FBXL13: variants seen among roughly 807,000 people sequenced by gnomAD.
The protein encoded by FBXL13 is F-box and leucine-rich repeat protein 13.
Under a neutral mutation model 83.6 loss-of-function variants are expected in FBXL13, and 67 were observed. The ratio of observed to expected loss-of-function variants is 0.80; its 90% CI spans 0.66 to 0.98. The LOEUF is 0.98. FBXL13 is among the 50% of genes least tolerant of loss of function. The probability of loss-of-function intolerance (pLI) is 0.00; values close to 1 mark genes in which losing one functional copy is unlikely to be tolerated. For missense variants in FBXL13, 822 were observed against 866.5 expected (o/e 0.95, Z 0.64); for synonymous variants, 272 against 299.5 (o/e 0.91, Z 0.95).
intron 6 of FBXL13, among the ~76,000 whole-genome samples, chr7:103,017,954 A>C (rs1792584382): frequency 6.6e-6 from 1 of 152,182 alleles, no homozygotes; most frequent in Non-Finnish European, 1.5e-5. Context: ...CCAACATTCA[A>C]ATTCAGGAAA....
At chr7:102,920,484 G>T (rs1228909654) in intron 10 of FBXL13, among the ~76,000 whole-genome samples, 1 of 151,816 alleles carries the variant, frequency 6.6e-6, no homozygotes. Flanking sequence ...TGAGTAGCTG[G>T]GACTACAGGT....
Position 102,924,919 on chromosome 7 carries a change from G to A in FBXL13, c.878+1355C>T, listed in dbSNP as rs146798579. Reference sequence around the variant, plus strand: ...GCTGGGATTACAGGCGTGAGCCACCGTGCCCGGCCTGTGTAAGCTTTTCTA... The same window carrying A: ...GCTGGGATTACAGGCGTGAGCCACCATGCCCGGCCTGTGTAAGCTTTTCTA... On this transcript the variant is annotated intron_variant, in intron 10 of 19. Transcript: ENST00000313221. Among the ~76,000 whole-genome samples the A allele has an allele frequency of 0.013, 1,948 of 150,630 alleles. 92 individuals carry two copies. In the East Asian group the frequency reaches 0.16, roughly 13 times the overall value.
intron 16 of FBXL13, among the ~76,000 whole-genome samples, chr7:102,874,953 C>T (rs1478038736): frequency 6.6e-6 from 1 of 152,192 alleles, no homozygotes; most frequent in Non-Finnish European, 1.5e-5. Flanking sequence ...TCCTCAAATG[C>T]TAAAAACTAA....
chr7:102,864,001 C>T (rs1186899343), intron 16 of FBXL13, among the ~76,000 whole-genome samples: 2 of 152,124 alleles, frequency 1.3e-5, no homozygotes, highest in African/African-American at 4.8e-5. Context: ...TGCAATTGCT[C>T]ATCCTTTCTT....
intron 17 of FBXL13, among the ~76,000 whole-genome samples, chr7:102,838,069 C>G (rs1014781391): frequency 2.0e-5 from 3 of 152,194 alleles, no homozygotes; most frequent in African/African-American, 7.2e-5. Flanking sequence ...ATACTAAGCC[C>G]AGTCCTTCTT....
At chr7:102,971,255 T>A (rs1220511022) in intron 6 of FBXL13, among the ~76,000 whole-genome samples, 3 of 152,148 alleles carry the variant, frequency 2.0e-5, no homozygotes, top group Non-Finnish European at 4.4e-5. Context: ...GCAGAAACTA[T>A]CAATCTGAGA....
chr7:102,936,569 T>C (rs1401760553), intron 8 of FBXL13, among the ~76,000 whole-genome samples: 1 of 152,218 alleles, frequency 6.6e-6, no homozygotes, highest in Non-Finnish European at 1.5e-5. Flanking sequence ...GCATGTTTAT[T>C]AGAATTTCCT....
chr7:103,001,077 T>C (rs1338341324), intron 6 of FBXL13, among the ~76,000 whole-genome samples: 1 of 152,146 alleles, frequency 6.6e-6, no homozygotes, highest in Non-Finnish European at 1.5e-5. Flanking sequence ...CCTGAGTAGC[T>C]GGGACTACAG....
intron 6 of FBXL13, chr7:102,988,879 T>C (rs560613158): frequency 6.6e-6 from 1 of 152,348 alleles, no homozygotes; most frequent in Admixed American, 6.5e-5. Context: ...TTCTCTCACA[T>C]TGCTACTTAA....
intron 8 of FBXL13, among the ~76,000 whole-genome samples, chr7:102,934,958 TA>T (rs879541934): frequency 6.6e-6 from 1 of 152,206 alleles, no homozygotes; most frequent in Non-Finnish European, 1.5e-5. Flanking sequence ...GCTGTCACTG[TA>T]AGGAATTCCT....
chr7:102,913,099 G>C (rs760443562), exon 11 of FBXL13: 2 of 1,614,200 alleles, frequency 1.2e-6, no homozygotes, highest in Non-Finnish European at 1.7e-6. Context: ...GGTGCAGCCA[G>C]AGAGGTCCAG....
intron 2 of FBXL13, among the ~76,000 whole-genome samples, chr7:103,036,745 C>T (rs372732243): frequency 6.6e-6 from 1 of 152,186 alleles, no homozygotes; most frequent in East Asian, 1.9e-4. Flanking sequence ...CTCCTGGCCT[C>T]AAGTGATCTG....
intron 2 of FBXL13, among the ~76,000 whole-genome samples, chr7:103,035,805 G>C (rs1446491443): frequency 1.3e-5 from 2 of 152,116 alleles, no homozygotes; most frequent in Non-Finnish European, 2.9e-5. Flanking sequence ...GTTAACCTGT[G>C]AATCAAAAGA....
chr7:103,024,857 A>ATATATT (rs1298384907), intron 6 of FBXL13, among the ~76,000 whole-genome samples: 14 of 62,844 alleles, frequency 2.2e-4, no homozygotes, highest in African/African-American at 1.1e-3. Flanking sequence ...ATATATATAT[A>ATATATT]TTTTTTTTTT....
At chr7:102,879,271 C>G (rs930112633) in intron 14 of FBXL13, among the ~76,000 whole-genome samples, 3 of 152,118 alleles carry the variant, frequency 2.0e-5, no homozygotes, top group African/African-American at 7.2e-5. Flanking sequence ...TGCTGACATC[C>G]GTTTACACCC....
intron 6 of FBXL13, among the ~76,000 whole-genome samples, chr7:103,017,646 A>T (rs1792530619): frequency 6.6e-6 from 1 of 152,244 alleles, no homozygotes; most frequent in African/African-American, 2.4e-5. Flanking sequence ...GATGGAGCTT[A>T]AAACCATGAC....
intron 6 of FBXL13, among the ~76,000 whole-genome samples, chr7:102,969,357 G>A (rs1826335190): frequency 6.6e-6 from 1 of 152,110 alleles, no homozygotes; most frequent in South Asian, 2.1e-4. Flanking sequence ...AGTGTGTACT[G>A]GATTATACCA....
At chr7:102,994,272 T>C (rs1829870265) in intron 6 of FBXL13, among the ~76,000 whole-genome samples, 1 of 152,166 alleles carries the variant, frequency 6.6e-6, no homozygotes, top group Non-Finnish European at 1.5e-5. Context: ...ATACTGGCTT[T>C]TTTTTCTGTC....
At chr7:102,987,277 C>T (rs1829083473) in intron 6 of FBXL13, among the ~76,000 whole-genome samples, 1 of 152,114 alleles carries the variant, frequency 6.6e-6, no homozygotes, top group Admixed American at 6.6e-5. Context: ...CCAGAAACCA[C>T]TTGTACACCT....
Sources: allele counts gnomAD v4.1 joint callset (sites outside exome capture counted in the v4.1 genomes callset), GRCh38; gene constraint gnomAD v4.1.1; transcripts MANE v1.5; gene names NCBI Gene and HGNC (gene_info 2026-07-23, HGNC 2026-07-21).